The following PIF1 variants were observed in gnomAD, a reference collection of about 807,000 sequenced individuals.
PIF1 encodes the protein ATP-dependent DNA helicase PIF1.
In PIF1, 67 loss-of-function variants were observed where a neutral mutation model predicts 62.3. The ratio of observed to expected loss-of-function variants is 1.08; its 90% CI spans 0.88 to 1.32. The LOEUF is 1.32. PIF1 is among the 40% of genes most tolerant of loss of function. The pLI is 0.00. For synonymous variants in PIF1, 364 were observed against 379.5 expected (o/e 0.96, Z 0.47); for missense variants, 886 against 866.1 (o/e 1.02, Z -0.29).
Position 64,816,254 on chromosome 15 carries a change from G to A in PIF1, c.*44C>T. 6.2e-7 allele frequency: 1 copy of A among 1,612,266 alleles called. No homozygotes were observed. Among genetic ancestry groups the A allele is most frequent in the East Asian group, 2.2e-5 (1 of 44,884 alleles). On this transcript the variant is annotated 3_prime_UTR_variant, in exon 13 of 13. Transcript: ENST00000559239. The stretch of plus-strand genomic sequence containing the variant: ...TGGGCCACTAGGGAGCAGGAGGACG[G>A]GGAGGCCACAGGCCACCCTTTGTCT...
chr15:64,819,924 C>G lies in PIF1; in HGVS notation c.1256G>C (p.Gly419Ala). Residue 419 changes from glycine (G) to alanine (A), a missense_variant, in exon 8 of 13, where the codon GGG (glycine) becomes GCG (alanine). Physicochemically the swap from Gly to Ala is moderately conservative, Grantham distance 60 (BLOSUM62 0). Transcript: ENST00000559239. ...ATASHKVGRD[G>A]IVATRLCTHQ... is the part of the protein sequence containing the mutation. ...GGTGCAGAGCCTCGTGGCCACAATC[C>G]CATCTCGCCCCACCTTGTGGGAAGC... 1 of 1,614,180 alleles carries G rather than the reference C, an allele frequency of 6.2e-7. No homozygotes were observed. The highest frequency in any genetic ancestry group is 8.5e-7 in the Non-Finnish European group (1 of 1,180,032).
chr15:64,819,358 T>G, intron 8 of PIF1, 135 bp from the exon 9 acceptor site: 1 of 653,662 alleles, frequency 1.5e-6, no homozygotes. Context: ...TTGCCCAGAC[T>G]GGAGTGCAAA....
At chr15:64,819,002 G>A in intron 9 of PIF1, 115 bp downstream of exon 9, 1 of 638,088 alleles carries the variant, frequency 1.6e-6, no homozygotes. Context: ...GGTTTTCAGT[G>A]TGGTCAAAGC....
Position 64,816,346 on chromosome 15 carries a change from ATCTGGGGAC to A in PIF1, c.1869_1877del (p.Glu623_Pro625del), listed in dbSNP as rs767932000. ...CCTGGTCTGAGGCTGCCTCATCATCATCTGGGGACTCCTGGATCAGAGCCAGAGAAGCCC... is the reference window on the plus strand; with the variant it reads ...CCTGGTCTGAGGCTGCCTCATCATCATCCTGGATCAGAGCCAGAGAAGCCC... On this transcript the variant is annotated inframe_deletion and splice_region_variant, in exon 13 of 13. Coordinates refer to ENST00000559239, the MANE Select transcript of PIF1 (RefSeq NM_001286496.2). 6.2e-7 allele frequency: 1 copy of A among 1,614,036 alleles called. No homozygotes were observed. Among genetic ancestry groups the A allele is most frequent in the Admixed American group, 1.7e-5 (1 of 60,008 alleles).
intron 9 of PIF1, chr15:64,818,595 A>C: frequency 2.0e-6 from 1 of 504,900 alleles, no homozygotes; most frequent in Non-Finnish European, 3.6e-6. Flanking sequence ...GTAAGGGATC[A>C]ATAAGGCAAC....
intron 7 of PIF1, 139 bp downstream of exon 7, chr15:64,820,843 C>T: frequency 1.4e-6 from 1 of 728,436 alleles, no homozygotes; most frequent in Non-Finnish European, 2.3e-6. Flanking sequence ...GTGCCCTGCC[C>T]AAGGCTCCTC....
chr15:64,821,141 G>C lies in PIF1; in HGVS notation c.1086+26C>G, dbSNP rs750769557. ...AAGGAGCAGAGCAGACCCCCAAGGA[G>C]AGCAGAGCTAGGAGGTGAGTAATAC... On this transcript the variant is annotated intron_variant, in intron 6 of 12. Coordinates refer to ENST00000559239, the MANE Select transcript of PIF1 (RefSeq NM_001286496.2). 34 of 1,613,400 alleles carry C rather than the reference G, an allele frequency of 2.1e-5. No homozygotes were observed. In the East Asian group the frequency reaches 3.8e-4, roughly 18 times the overall value.
intron 1 of PIF1, among the ~76,000 whole-genome samples, chr15:64,824,833 C>CAT (rs1397961217): frequency 6.7e-6 from 1 of 148,240 alleles, no homozygotes; most frequent in Non-Finnish European, 1.5e-5. Flanking sequence ...AAAATACATA[C>CAT]ATATAAATAC....
chr15:64,816,860 A>T (rs1032168542), intron 11 of PIF1, 95 bp from the exon 12 acceptor site: 19 of 1,189,742 alleles, frequency 1.6e-5, no homozygotes, highest in Admixed American at 1.2e-4. Flanking sequence ...CTGCCCCTGG[A>T]TCTCCTCGTC....
At chr15:64,824,992 T>TACACAC (rs199650820) in intron 1 of PIF1, among the ~76,000 whole-genome samples, 1,421 of 136,704 alleles carry the variant, frequency 0.01, 19 homozygotes, top group African/African-American at 0.036. Context: ...ACAATTTCTA[T>TACACAC]ATATATACAC....
chr15:64,822,961 A>G (rs546757757), intron 2 of PIF1, among the ~76,000 whole-genome samples: 1 of 151,934 alleles, frequency 6.6e-6, no homozygotes, highest in Non-Finnish European at 1.5e-5. Flanking sequence ...CTCACCTCAA[A>G]ATACCCAAGC....
chr15:64,824,991 A>C (rs1353282579), intron 1 of PIF1, among the ~76,000 whole-genome samples: 1 of 135,750 alleles, frequency 7.4e-6, no homozygotes, highest in Non-Finnish European at 1.6e-5. Context: ...TACAATTTCT[A>C]TATATATACA....
intron 2 of PIF1, among the ~76,000 whole-genome samples, chr15:64,823,113 T>A (rs2084313956): frequency 6.6e-6 from 1 of 152,140 alleles, no homozygotes. Context: ...CCTCATCTGC[T>A]TCAACTGTTG....
In PIF1 at chr15:64,823,926, G is replaced by C. The variant is rs1341772822; in HGVS notation, c.410C>G (p.Ala137Gly). ...GCGGGGCCGCGGGCCCAGCAGCTGC[G>C]CTCGGGCGGAGGCCGGCCCGGGACC... The part of the protein sequence containing the change: ...APGPGPASAR[A>G]QLLGPRPRDF... The change falls in exon 2 of 13, where the codon GCG becomes GGG. Residue 137 changes from alanine to glycine, a missense_variant. Coordinates refer to ENST00000559239, the MANE Select transcript of PIF1 (RefSeq NM_001286496.2). 2 of 1,327,124 alleles carry C rather than the reference G, an allele frequency of 1.5e-6. No homozygotes were observed. The highest frequency in any genetic ancestry group is 1.9e-6 in the Non-Finnish European group (2 of 1,032,358). The allele number at this position is 1,327,124 out of a possible 1,614,324, so 82.2% of individuals were successfully genotyped here. A position where few individuals can be genotyped will look rare whatever the true frequency, so the allele number is the denominator to read the frequency against.
chr15:64,819,805 C>G, intron 8 of PIF1, 42 bp downstream of exon 8: 1 of 1,607,124 alleles, frequency 6.2e-7, no homozygotes, highest in South Asian at 1.1e-5. Flanking sequence ...CTGCTTATAA[C>G]TCTTCCCAGC....
At position 64,825,619 on chromosome 15, in the gene PIF1, A is replaced by G. The variant is rs1373942218; in HGVS notation, c.-70T>C. ...TGTGCCGACACTCAGATGAACAAGCAGATCGTAGCCGGCCTGTGGCTAAGC... is the reference window on the plus strand; with the variant it reads ...TGTGCCGACACTCAGATGAACAAGCGGATCGTAGCCGGCCTGTGGCTAAGC... On this transcript the variant is annotated 5_prime_UTR_variant, in exon 1 of 13. Transcript: ENST00000559239. 6.6e-6 allele frequency: 1 copy of G among 152,220 alleles called. No homozygotes were observed. The highest frequency in any genetic ancestry group is 2.4e-5 in the African/African-American group (1 of 41,476). The allele number at this position is 152,220 out of a possible 1,614,324, so 9.4% of individuals were successfully genotyped here. A position where few individuals can be genotyped will look rare whatever the true frequency, so the allele number is the denominator to read the frequency against.
Position 64,819,173 on chromosome 15 carries a change from TACTGGCC to T in PIF1, c.1377_1383del (p.Ala460ProfsTer14). ...CTAACAGGACACTGGGCATCCAGGG[TACTGGCC>T]AGCTCAGGGTTGCTGTCCATAGCCT... On this transcript the variant is annotated frameshift_variant, in exon 9 of 13. Coordinates refer to ENST00000559239, the MANE Select transcript of PIF1 (RefSeq NM_001286496.2). LOFTEE classifies it high-confidence loss of function. 6.2e-7 allele frequency: 1 copy of T among 1,602,646 alleles called. No individual in the cohort carries two copies. The highest frequency in any genetic ancestry group is 8.5e-7 in the Non-Finnish European group (1 of 1,176,840).
upstream of PIF1, among the ~76,000 whole-genome samples, chr15:64,826,371 G>A (rs148556735): frequency 6.6e-6 from 1 of 151,788 alleles, no homozygotes; most frequent in Non-Finnish European, 1.5e-5. Context: ...GATCTTACAG[G>A]TGAGTCTGGC....
At position 64,816,139 on chromosome 15, in the gene PIF1, C is replaced by T. The variant is rs1160453048; in HGVS notation, c.*159G>A. The T allele has an allele frequency of 5.4e-6, 8 of 1,473,942 alleles. No homozygotes were observed. The African/African-American group carries it at 5.7e-5, about 10-fold the overall frequency. 91.3% of individuals were successfully genotyped at this position (1,473,942 alleles called of 1,614,324 possible). On this transcript the variant is annotated 3_prime_UTR_variant, in exon 13 of 13. Coordinates refer to ENST00000559239, the MANE Select transcript of PIF1 (RefSeq NM_001286496.2). ...ACAGCTGGTATATGGGTTTAAAGTACTCTCCCTTTAACCCTGCCAGGAGGC... is the reference window on the plus strand; with the variant it reads ...ACAGCTGGTATATGGGTTTAAAGTATTCTCCCTTTAACCCTGCCAGGAGGC...
Sources: gnomAD v4.1 joint callset for allele counts (sites outside exome capture counted in the v4.1 genomes callset) on GRCh38, gnomAD v4.1.1 for gene constraint, MANE v1.5 for transcripts, NCBI Gene and HGNC (gene_info 2026-07-23, HGNC 2026-07-21) for gene names.